GTF2F2: variants seen among roughly 807,000 people sequenced by gnomAD.
GTF2F2 encodes the protein general transcription factor IIF subunit 2, also known as ATP-dependent helicase GTF2F2.
Under a neutral mutation model 42.2 loss-of-function variants are expected in GTF2F2, and 23 were observed. The ratio of observed to expected loss-of-function variants is 0.55; its 90% CI spans 0.39 to 0.77. The LOEUF (loss-of-function observed/expected upper bound fraction) is 0.77, where lower values mean the gene tolerates loss of function less well. GTF2F2 is among the 30% of genes least tolerant of loss of function. The pLI is 0.00. For missense variants in GTF2F2, 261 were observed against 287.2 expected, an observed-to-expected ratio of 0.91 and a Z score of 0.66; for synonymous variants, 105 against 100.8, an observed-to-expected ratio of 1.04 and a Z score of -0.25.
intron 2 of GTF2F2, among the ~76,000 whole-genome samples, chr13:45,149,082 G>T (rs1302667909): frequency 6.6e-6 from 1 of 152,082 alleles, no homozygotes; most frequent in Non-Finnish European, 1.5e-5. Flanking sequence ...ATGAAGTACT[G>T]TATAGATCTG....
Position 45,120,592 on chromosome 13 carries a change from T to C in GTF2F2, c.-64T>C. ...CTTGTCCTTTGTTCCGGACGCCCGCTCCTCAGCCCTGCGGCTCCTGGGGTC... is the reference window on the plus strand; with the variant it reads ...CTTGTCCTTTGTTCCGGACGCCCGCCCCTCAGCCCTGCGGCTCCTGGGGTC... On this transcript the variant is annotated 5_prime_UTR_variant, in exon 1 of 8. Coordinates refer to ENST00000340473, the MANE Select transcript of GTF2F2 (RefSeq NM_004128.3). 8.2e-7 allele frequency: 1 copy of C among 1,216,884 alleles called. No homozygotes were observed. Among genetic ancestry groups the C allele is most frequent in the Non-Finnish European group, 1.2e-6 (1 of 843,922 alleles). The allele number at this position is 1,216,884 out of a possible 1,614,324, so 75.4% of individuals were successfully genotyped here. A position where few individuals can be genotyped will look rare whatever the true frequency, so the allele number is the denominator to read the frequency against.
At chr13:45,161,688 AAAAAATTAGCCAGCTG>A (rs1345311740) in intron 4 of GTF2F2, among the ~76,000 whole-genome samples, 1 of 152,154 alleles carries the variant, frequency 6.6e-6, no homozygotes, top group East Asian at 1.9e-4. Flanking sequence ...CCAAAAATAC[AAAAAATTAGCCAGCTG>A]TGGTGGTGAG....
At chr13:45,129,711 CA>C (rs1391440566) in intron 1 of GTF2F2, among the ~76,000 whole-genome samples, 7 of 152,202 alleles carry the variant, frequency 4.6e-5, no homozygotes, top group African/African-American at 1.7e-4. Context: ...AACAAAATTA[CA>C]ATATCTGCCT....
At chr13:45,216,651 G>A (rs1873901679) in intron 5 of GTF2F2, among the ~76,000 whole-genome samples, 3 of 151,986 alleles carry the variant, frequency 2.0e-5, no homozygotes, top group Admixed American at 1.3e-4. Context: ...CAGAGTAGCT[G>A]GGATTATAAG....
chr13:45,137,854 A>G (rs996509728), intron 2 of GTF2F2, among the ~76,000 whole-genome samples: 2 of 152,180 alleles, frequency 1.3e-5, no homozygotes, highest in South Asian at 4.2e-4. Context: ...TTATTTATTT[A>G]TTTATTTCAA....
intron 6 of GTF2F2, among the ~76,000 whole-genome samples, chr13:45,266,000 T>C (rs1876545707): frequency 6.6e-6 from 1 of 152,178 alleles, no homozygotes; most frequent in Non-Finnish European, 1.5e-5. Context: ...AATATCTCAA[T>C]TAACTAAGTA....
At chr13:45,179,425 G>A (rs941750083) in intron 4 of GTF2F2, among the ~76,000 whole-genome samples, 1 of 152,176 alleles carries the variant, frequency 6.6e-6, no homozygotes, top group Non-Finnish European at 1.5e-5. Context: ...GCCAATACTT[G>A]GGGTGTAACT....
At chr13:45,256,699 T>G (rs1006369439) in intron 6 of GTF2F2, among the ~76,000 whole-genome samples, 3 of 152,112 alleles carry the variant, frequency 2.0e-5, no homozygotes, top group African/African-American at 7.2e-5. Flanking sequence ...TTTTTGTTAT[T>G]TATTAGAAGA....
In GTF2F2 at chr13:45,151,669, G is replaced by T; in HGVS notation, c.160-18G>T. ...AATACAGAAGTCTGTTATAATCTCT[G>T]GTTAATGTGTCTATTAGGTGTCATT... is the stretch of plus-strand genomic sequence containing the variant. On this transcript the variant is annotated intron_variant, in intron 3 of 7. Transcript: ENST00000340473. 6.5e-7 allele frequency: 1 copy of T among 1,547,430 alleles called. No homozygotes were observed. Among genetic ancestry groups the T allele is most frequent in the South Asian group, 1.1e-5 (1 of 88,518 alleles).
At chr13:45,227,561 CT>C (rs1253796934) in intron 5 of GTF2F2, among the ~76,000 whole-genome samples, 1 of 152,116 alleles carries the variant, frequency 6.6e-6, no homozygotes, top group Non-Finnish European at 1.5e-5. Flanking sequence ...TATCGCAAAA[CT>C]TTTGCTTGAG....
chr13:45,271,556 T>C (rs534337689), intron 7 of GTF2F2, among the ~76,000 whole-genome samples: 55 of 151,758 alleles, frequency 3.6e-4, no homozygotes, highest in African/African-American at 1.3e-3. Context: ...CTAATTTTTT[T>C]TTTCTTTCTT....
At chr13:45,202,157 TG>T (rs1873218516) in intron 4 of GTF2F2, among the ~76,000 whole-genome samples, 1 of 151,964 alleles carries the variant, frequency 6.6e-6, no homozygotes, top group Non-Finnish European at 1.5e-5. Context: ...GAGGCTGAGG[TG>T]GGCGGATCAC....
chr13:45,138,628 T>C (rs1869757004), intron 2 of GTF2F2, among the ~76,000 whole-genome samples: 1 of 152,190 alleles, frequency 6.6e-6, no homozygotes, highest in African/African-American at 2.4e-5. Flanking sequence ...GTGACGATTA[T>C]GATGTGAGTG....
intron 5 of GTF2F2, among the ~76,000 whole-genome samples, chr13:45,226,795 C>T (rs1874380752): frequency 6.6e-6 from 1 of 152,094 alleles, no homozygotes; most frequent in Non-Finnish European, 1.5e-5. Context: ...CTTTCAGTTG[C>T]AGTATATAGT....
chr13:45,204,559 A>G (rs762194694), intron 4 of GTF2F2, among the ~76,000 whole-genome samples: 2 of 152,254 alleles, frequency 1.3e-5, no homozygotes, highest in Non-Finnish European at 2.9e-5. Context: ...AAAATTTAAT[A>G]CCTTTCCTTT....
intron 4 of GTF2F2, among the ~76,000 whole-genome samples, chr13:45,200,527 C>T (rs1251909633): frequency 6.6e-6 from 1 of 152,140 alleles, no homozygotes; most frequent in Non-Finnish European, 1.5e-5. Context: ...AGGCTGGGCT[C>T]AAGCTATGCT....
chr13:45,154,626 G>C (rs551229846), intron 4 of GTF2F2, among the ~76,000 whole-genome samples: 1 of 152,110 alleles, frequency 6.6e-6, no homozygotes. Context: ...GATTCTCTTT[G>C]CACCATTCTG....
intron 1 of GTF2F2, among the ~76,000 whole-genome samples, chr13:45,126,960 ATGAG>A (rs1349982042): frequency 6.6e-6 from 1 of 152,176 alleles, no homozygotes; most frequent in Non-Finnish European, 1.5e-5. Flanking sequence ...ATTTTCAGTA[ATGAG>A]TGAGATAGTG....
At chr13:45,159,450 G>C (rs1292276988) in intron 4 of GTF2F2, among the ~76,000 whole-genome samples, 1 of 152,178 alleles carries the variant, frequency 6.6e-6, no homozygotes, top group Non-Finnish European at 1.5e-5. Flanking sequence ...GAGCGCAGTG[G>C]CGCGATCTCG....
Sources: gnomAD v4.1 joint callset for allele counts (sites outside exome capture counted in the v4.1 genomes callset) on GRCh38, gnomAD v4.1.1 for gene constraint, MANE v1.5 for transcripts, NCBI Gene and HGNC (gene_info 2026-07-23, HGNC 2026-07-21) for gene names.